CCDC171: variants seen among roughly 807,000 people sequenced by gnomAD.
CCDC171 encodes coiled-coil domain-containing protein 171.
CCDC171 carries 177 observed loss-of-function variants against 168.2 expected under a neutral mutation model. That is an observed-to-expected ratio of 1.05 (90% CI 0.93 to 1.19). The LOEUF (loss-of-function observed/expected upper bound fraction) is 1.19, where lower values mean the gene tolerates loss of function less well. Ranked by LOEUF, CCDC171 falls within the 50% of genes most tolerant of loss-of-function variation. CCDC171 has a pLI of 0.00. For synonymous variants in CCDC171, 687 were observed against 540.8 expected (o/e 1.27, Z -3.75); for missense variants, 1,991 against 1,539.0 (o/e 1.29, Z -4.91).
intron 2 of CCDC171, among the ~76,000 whole-genome samples, chr9:15,567,300 G>A (rs1478095233): frequency 6.6e-6 from 1 of 152,090 alleles, no homozygotes; most frequent in Non-Finnish European, 1.5e-5. Flanking sequence ...GATTACAGGC[G>A]TACATGTCTG....
intron 16 of CCDC171, among the ~76,000 whole-genome samples, chr9:15,739,580 A>C (rs190676358): frequency 4.2e-4 from 64 of 152,294 alleles, no homozygotes; most frequent in African/African-American, 1.4e-3. Flanking sequence ...AAATATATGT[A>C]AAGCATTTAG....
Position 15,727,872 on chromosome 9 carries a change from A to G in CCDC171, c.1696A>G (p.Lys566Glu). 6.3e-7 allele frequency: 1 copy of G among 1,598,482 alleles called. No homozygotes were observed. Among genetic ancestry groups the G allele is most frequent in the Non-Finnish European group, 8.5e-7 (1 of 1,174,302 alleles). ...TTTTCTTTTTTTTTTCCTGCAGGAG[A>G]AGCTAACCTTCCTTCACACCTTATA... The part of the protein sequence containing the change: ...SQAFHKDAEE[K>E]LTFLHTLYQH... The change falls in exon 15 of 26, where the codon AAG becomes GAG. Residue 566 changes from lysine (K) to glutamate (E), a missense_variant. By Grantham distance (56) the Lys-to-Glu change is moderately conservative. Coordinates refer to ENST00000380701, the MANE Select transcript of CCDC171 (RefSeq NM_173550.4).
chr9:15,554,669 T>C (rs1456340983), intron 1 of CCDC171, among the ~76,000 whole-genome samples: 1 of 152,112 alleles, frequency 6.6e-6, no homozygotes, highest in African/African-American at 2.4e-5. Flanking sequence ...GAACCAAACT[T>C]CCCCTTTAAA....
At chr9:16,003,620 G>C (rs1470812083) in intron 3 of CCDC171, among the ~76,000 whole-genome samples, 1 of 152,128 alleles carries the variant, frequency 6.6e-6, no homozygotes, top group East Asian at 1.9e-4. Flanking sequence ...TAAATACTTG[G>C]ATATAAGAAC....
At chr9:15,806,449 C>A (rs1356851493) in intron 21 of CCDC171, among the ~76,000 whole-genome samples, 1 of 152,146 alleles carries the variant, frequency 6.6e-6, no homozygotes, top group East Asian at 1.9e-4. Context: ...ATTCCCTTAG[C>A]ATTTGCTTGT....
chr9:15,579,169 T>C, intron 4 of CCDC171, 146 bp downstream of exon 4: 2 of 580,402 alleles, frequency 3.4e-6, no homozygotes, highest in South Asian at 3.2e-5. Context: ...TAGCTGGGTA[T>C]GTATAAAAAG....
chr9:15,662,979 T>TCAACAACAACAACAACAACAA (rs139672521), intron 8 of CCDC171, among the ~76,000 whole-genome samples: 1 of 150,122 alleles, frequency 6.7e-6, no homozygotes, highest in Non-Finnish European at 1.5e-5. Flanking sequence ...AGACTTCGTC[T>TCAACAACAACAACAACAACAA]CAACAACAAC....
At chr9:15,832,105 C>CTTCTTT (rs2060258390) in intron 21 of CCDC171, among the ~76,000 whole-genome samples, 1 of 152,008 alleles carries the variant, frequency 6.6e-6, no homozygotes, top group Non-Finnish European at 1.5e-5. Flanking sequence ...TTCCCATGAT[C>CTTCTTT]TTCTTTTTCT....
chr9:15,610,563 G>C (rs2043605912), intron 6 of CCDC171, among the ~76,000 whole-genome samples: 1 of 150,458 alleles, frequency 6.6e-6, no homozygotes, highest in Admixed American at 6.6e-5. Flanking sequence ...GGGAGGCGGA[G>C]GTTGCAGTGA....
At chr9:15,629,137 A>T (rs987101865) in intron 7 of CCDC171, among the ~76,000 whole-genome samples, 8 of 152,154 alleles carry the variant, frequency 5.3e-5, no homozygotes, top group East Asian at 3.8e-4. Flanking sequence ...TCCTCCTCCA[A>T]AGGAATGCAG....
chr9:15,602,910 G>T (rs2042967499), intron 6 of CCDC171, among the ~76,000 whole-genome samples: 3 of 151,744 alleles, frequency 2.0e-5, no homozygotes, highest in Admixed American at 1.3e-4. Flanking sequence ...TGCCTGCCTC[G>T]GCCTCCCAAA....
At chr9:15,738,391 A>T (rs2054627318) in intron 16 of CCDC171, among the ~76,000 whole-genome samples, 1 of 152,194 alleles carries the variant, frequency 6.6e-6, no homozygotes, top group South Asian at 2.1e-4. Flanking sequence ...TATTTTTGTT[A>T]TGCTATTGAA....
intron 3 of CCDC171, among the ~76,000 whole-genome samples, chr9:15,996,000 G>C (rs571706991): frequency 6.6e-6 from 1 of 152,080 alleles, no homozygotes; most frequent in African/African-American, 2.4e-5. Context: ...TTATTCTTCT[G>C]TTTCTTCAGG....
chr9:15,965,363 G>C (rs1278496052), intron 25 of CCDC171, among the ~76,000 whole-genome samples: 1 of 152,142 alleles, frequency 6.6e-6, no homozygotes, highest in Non-Finnish European at 1.5e-5. Context: ...TACAAAATAA[G>C]CCTGAGGCTA....
At chr9:16,045,823 C>T (rs535476662) in intron 1 of CCDC171, among the ~76,000 whole-genome samples, 1 of 152,182 alleles carries the variant, frequency 6.6e-6, no homozygotes, top group African/African-American at 2.4e-5. Context: ...TCCCATTAAC[C>T]TGGTGATCTC....
At position 15,658,258 on chromosome 9, in the gene CCDC171, T is replaced by A. The variant is rs546289643; in HGVS notation, c.915+1039T>A. On this transcript the variant is annotated intron_variant, in intron 8 of 25. Coordinates refer to ENST00000380701, the MANE Select transcript of CCDC171 (RefSeq NM_173550.4). Reference sequence around the variant, plus strand: ...GAAGTCCTTTTTCGTGCTAAGAAACTTAGACTTATTTTGAAAGCAATGGAA... The same window carrying A: ...GAAGTCCTTTTTCGTGCTAAGAAACATAGACTTATTTTGAAAGCAATGGAA... Among the ~76,000 whole-genome samples, 242 of 152,302 alleles carry A rather than the reference T, an allele frequency of 1.6e-3. 2 individuals carry two copies. The highest frequency in any genetic ancestry group is 5.7e-3 in the African/African-American group (236 of 41,572).
In CCDC171 at chr9:15,674,897, T is replaced by G. The variant is rs539199073; in HGVS notation, c.1077-3861T>G. Among the ~76,000 whole-genome samples the G allele has an allele frequency of 2.6e-4, 39 of 152,300 alleles. No homozygotes were observed. In the South Asian group the frequency reaches 4.1e-3, roughly 16 times the overall value. On this transcript the variant is annotated intron_variant, in intron 9 of 25. Coordinates refer to ENST00000380701, the MANE Select transcript of CCDC171 (RefSeq NM_173550.4). Reference sequence around the variant, plus strand: ...AGGTCTGCTTGGTGCAGAGCTGAGTTCAAGTCCTGGATATCCTTGTTAACC... The same window carrying G: ...AGGTCTGCTTGGTGCAGAGCTGAGTGCAAGTCCTGGATATCCTTGTTAACC...
chr9:15,975,253 C>T (rs1831584747), downstream of CCDC171, among the ~76,000 whole-genome samples: 1 of 152,118 alleles, frequency 6.6e-6, no homozygotes, highest in African/African-American at 2.4e-5. Context: ...AAGCTTTTGG[C>T]TACCAAAGAT....
chr9:15,584,585 C>A (rs183585947), intron 4 of CCDC171, among the ~76,000 whole-genome samples: 6 of 152,172 alleles, frequency 3.9e-5, no homozygotes, highest in Non-Finnish European at 8.8e-5. Flanking sequence ...ATGAGGGCCC[C>A]ATGACCTACT....
Sources: gnomAD v4.1 joint callset for allele counts (sites outside exome capture counted in the v4.1 genomes callset) on GRCh38, gnomAD v4.1.1 for gene constraint, MANE v1.5 for transcripts, NCBI Gene and HGNC (gene_info 2026-07-23, HGNC 2026-07-21) for gene names.